EIF4G3: variants seen among roughly 807,000 people sequenced by gnomAD.
EIF4G3 encodes eIF-4-gamma 3.
In EIF4G3, 34 loss-of-function variants were observed where a neutral mutation model predicts 186.4. The observed-to-expected ratio is 0.18, with a 90% CI of 0.14 to 0.24. EIF4G3 has a LOEUF of 0.24. EIF4G3 is among the 10% of genes least tolerant of loss of function. The pLI, the probability that EIF4G3 is intolerant of heterozygous loss-of-function variation, is 1.00. For missense variants in EIF4G3, 1,536 were observed against 1,948.5 expected, an observed-to-expected ratio of 0.79 and a Z score of 3.99; for synonymous variants, 673 against 679.5, an observed-to-expected ratio of 0.99 and a Z score of 0.15.
intron 3 of EIF4G3, among the ~76,000 whole-genome samples, chr1:21,055,006 CTA>C (rs2094498261): frequency 6.6e-6 from 1 of 152,060 alleles, no homozygotes; most frequent in Admixed American, 6.5e-5. Context: ...TTTTGAGTGA[CTA>C]TTACATTTAT....
rs542676548 is a variant in EIF4G3 at position 20,841,705 on chromosome 1, A to G, written c.3889-677T>C. ...TACTATAGAGTATCCAGCCAAGTCA[A>G]TATCTTTGGTCTGAAGGGTGAAAGT... On this transcript the variant is annotated intron_variant, in intron 29 of 36. Transcript: ENST00000602326. Among the ~76,000 whole-genome samples, 9 of 152,352 alleles carry G rather than the reference A, an allele frequency of 5.9e-5. No individual in the cohort carries two copies. In the East Asian group the frequency reaches 9.6e-4, roughly 16 times the overall value.
intron 2 of EIF4G3, among the ~76,000 whole-genome samples, chr1:21,169,249 G>A (rs138176809): frequency 4.0e-4 from 61 of 152,230 alleles, no homozygotes; most frequent in Non-Finnish European, 6.5e-4. Context: ...TCAAGAGTTC[G>A]AGACCAGCCT....
At chr1:21,164,604 T>C (rs2097824635) in intron 2 of EIF4G3, among the ~76,000 whole-genome samples, 1 of 152,166 alleles carries the variant, frequency 6.6e-6, no homozygotes, top group Non-Finnish European at 1.5e-5. Flanking sequence ...CTCGCACCTA[T>C]AATCCCGCAT....
In EIF4G3 at chr1:20,938,979, C is replaced by T. The variant is rs1028833849; in HGVS notation, c.1663+2512G>A. Reference sequence around the variant, plus strand: ...AAAATAAGCCAGGCGTGGTGGCACACGCCTATAATCCCAGCTACTCAGGAG... The same window carrying T: ...AAAATAAGCCAGGCGTGGTGGCACATGCCTATAATCCCAGCTACTCAGGAG... On this transcript the variant is annotated intron_variant, in intron 14 of 36. Coordinates refer to ENST00000602326, the MANE Select transcript of EIF4G3 (RefSeq NM_001391906.1). 4.6e-5 allele frequency among the ~76,000 whole-genome samples: 7 copies of T among 151,874 alleles called. No individual in the cohort carries two copies. In the East Asian group the frequency reaches 7.8e-4, roughly 17 times the overall value.
intron 20 of EIF4G3, among the ~76,000 whole-genome samples, chr1:20,868,620 G>A (rs557752677): frequency 2.0e-5 from 3 of 152,112 alleles, no homozygotes; most frequent in Non-Finnish European, 4.4e-5. Flanking sequence ...ATGGATAATA[G>A]CAAGAATGAA....
intron 4 of EIF4G3, among the ~76,000 whole-genome samples, chr1:21,048,317 T>C (rs6703227): frequency 0.37 from 56,227 of 151,944 alleles, 11,024 homozygotes; most frequent in Non-Finnish European, 0.43. Flanking sequence ...TGCTTGTCTT[T>C]CATATCAAAA....
At chr1:20,840,750 T>A (rs2068306700) in intron 30 of EIF4G3, 106 bp downstream of exon 30, 3 of 1,056,402 alleles carry the variant, frequency 2.8e-6, no homozygotes, top group Non-Finnish European at 1.4e-6. Flanking sequence ...TGGATACAAT[T>A]TTCATCTATG....
In EIF4G3 at chr1:21,000,617, C is replaced by CA. The variant is rs558283146; in HGVS notation, c.144+581dup. Among the ~76,000 whole-genome samples, 41 of 149,468 alleles carry CA rather than the reference C, an allele frequency of 2.7e-4. 1 individual carries two copies. In the South Asian group the frequency reaches 3.6e-3, roughly 13 times the overall value. On this transcript the variant is annotated intron_variant, in intron 6 of 36. Transcript: ENST00000602326. ...ACAAAAAAAAAACAAAAAACAAAAA[C>CA]AAAAAAAAACCCCATAACAAAATAA...
intron 22 of EIF4G3, among the ~76,000 whole-genome samples, chr1:20,863,870 A>C (rs912066077): frequency 1.3e-5 from 2 of 152,180 alleles, no homozygotes; most frequent in Admixed American, 6.5e-5. Flanking sequence ...CAGAATGTTA[A>C]GCTGAAAGGA....
At chr1:21,157,618 GA>G (rs1376807144) in intron 2 of EIF4G3, among the ~76,000 whole-genome samples, 3 of 151,988 alleles carry the variant, frequency 2.0e-5, no homozygotes, top group African/African-American at 7.3e-5. Context: ...TTACAGGTGT[GA>G]GCCACCACAC....
intron 7 of EIF4G3, among the ~76,000 whole-genome samples, chr1:20,986,063 G>T (rs74061348): frequency 0.02 from 2,993 of 152,162 alleles, 27 homozygotes; most frequent in Non-Finnish European, 0.023. Context: ...TTTGTTTCAA[G>T]TCAATCATAA....
intron 8 of EIF4G3, among the ~76,000 whole-genome samples, chr1:20,981,647 GTATACATACA>G (rs2078182267): frequency 8.9e-6 from 1 of 112,680 alleles, no homozygotes; most frequent in South Asian, 3.2e-4. Flanking sequence ...CATACTGTAT[GTATACATACA>G]TGTATACGCA....
rs769556840 is a variant in EIF4G3, at chr1:20,893,675, A to G, written c.2134-39T>C. The G allele has an allele frequency of 2.7e-6, 4 of 1,463,578 alleles. No homozygotes were observed. The African/African-American group carries it at 5.7e-5, about 21-fold the overall frequency. 90.7% of individuals were successfully genotyped at this position (1,463,578 alleles called of 1,614,324 possible). A position where few individuals can be genotyped will look rare whatever the true frequency, so the allele number is the denominator to read the frequency against. On this transcript the variant is annotated intron_variant, in intron 17 of 36. Coordinates refer to ENST00000602326, the MANE Select transcript of EIF4G3 (RefSeq NM_001391906.1). ...CAAAAGAAAGCTTAATACATGTTCC[A>G]GAGCATTCCCTGCCACAAAAGATAA... is the stretch of plus-strand genomic sequence containing the variant.
intron 3 of EIF4G3, among the ~76,000 whole-genome samples, chr1:21,073,463 C>T (rs1015318583): frequency 1.3e-5 from 2 of 152,220 alleles, no homozygotes; most frequent in Non-Finnish European, 2.9e-5. Flanking sequence ...AGGCTCCCAC[C>T]TTAAGGCCTT....
rs768518678 is a variant in EIF4G3, at chr1:20,981,242, A to T, written c.199-15T>A. 6.5e-7 allele frequency: 1 copy of T among 1,541,422 alleles called. No homozygotes were observed. Among genetic ancestry groups the T allele is most frequent in the Non-Finnish European group, 8.7e-7 (1 of 1,147,374 alleles). On this transcript the variant is annotated splice_polypyrimidine_tract_variant and intron_variant, in intron 8 of 36. Transcript: ENST00000602326. ...CTCTGGAAAAACTGGGAAGGGGAGA[A>T]AAAAAAAATTTTTTTTTTTTTTTAA...
At chr1:20,971,074 A>G (rs1304822209) in intron 11 of EIF4G3, among the ~76,000 whole-genome samples, 1 of 152,212 alleles carries the variant, frequency 6.6e-6, no homozygotes, top group Non-Finnish European at 1.5e-5. Context: ...TCTTATTTTA[A>G]TTTTTTTAAA....
intron 14 of EIF4G3, among the ~76,000 whole-genome samples, chr1:20,907,316 C>T (rs2092371051): frequency 6.6e-6 from 1 of 152,110 alleles, no homozygotes; most frequent in South Asian, 2.1e-4. Context: ...TTAATTTCAA[C>T]TACATTAAAA....
Position 20,840,997 on chromosome 1 carries a change from G to A in EIF4G3, c.3920C>T (p.Ala1307Val). ...CACAAAAACATGTAGTAGGCCCTGGGCATTCAGCTCTTCCACACACTGCAT... is the reference window on the plus strand; with the variant it reads ...CACAAAAACATGTAGTAGGCCCTGGACATTCAGCTCTTCCACACACTGCAT... ...EAMQCVEELN[A>V]QGLLHVFVRV... The change falls in exon 30 of 37, where the codon GCC (alanine) becomes GTC (valine). Residue 1307 changes from alanine (A) to valine (V), a missense_variant. Ala to Val is a moderately conservative substitution (Grantham distance 64). Coordinates refer to ENST00000602326, the MANE Select transcript of EIF4G3 (RefSeq NM_001391906.1). 2 of 1,614,142 alleles carry A rather than the reference G, an allele frequency of 1.2e-6. No homozygotes were observed. The highest frequency in any genetic ancestry group is 1.7e-6 in the Non-Finnish European group (2 of 1,180,018).
chr1:21,066,232 G>A (rs930677714), intron 3 of EIF4G3, among the ~76,000 whole-genome samples: 4 of 151,266 alleles, frequency 2.6e-5, no homozygotes, highest in African/African-American at 7.3e-5. Flanking sequence ...GAGTTATGGC[G>A]GGAGGGGGAG....
Sources: gnomAD v4.1 joint callset for allele counts (sites outside exome capture counted in the v4.1 genomes callset) on GRCh38, gnomAD v4.1.1 for gene constraint, MANE v1.5 for transcripts, NCBI Gene and HGNC (gene_info 2026-07-23, HGNC 2026-07-21) for gene names.